FHIP2A: variants seen among roughly 807,000 people sequenced by gnomAD.
FHIP2A encodes family with sequence similarity 160 member B1.
In FHIP2A, 46 loss-of-function variants were observed where a neutral mutation model predicts 93.5. The ratio of observed to expected loss-of-function variants is 0.49; its 90% CI spans 0.39 to 0.63. The LOEUF is 0.63. Among genes scored for constraint, FHIP2A ranks in the 20% least tolerant of loss-of-function variants. FHIP2A has a pLI of 0.00. For missense variants in FHIP2A, 769 were observed against 909.7 expected, an observed-to-expected ratio of 0.85 and a Z score of 1.99; for synonymous variants, 332 against 326.5, an observed-to-expected ratio of 1.02 and a Z score of -0.18.
At chr10:114,889,785 A>G (rs2083961412) in intron 16 of FHIP2A, among the ~76,000 whole-genome samples, 1 of 152,166 alleles carries the variant, frequency 6.6e-6, no homozygotes, top group Non-Finnish European at 1.5e-5. Context: ...GGGCCCTCCA[A>G]GGGTTGCTCC....
At position 114,871,245 on chromosome 10, in the gene FHIP2A, TG is replaced by T. The variant is rs573023232; in HGVS notation, c.2192+9914del. Among the ~76,000 whole-genome samples, 265 of 152,098 alleles carry T rather than the reference TG, an allele frequency of 1.7e-3. 2 individuals carry two copies. Among genetic ancestry groups the T allele is most frequent in the African/African-American group, 6.0e-3 (250 of 41,510 alleles). The stretch of plus-strand genomic sequence containing the variant: ...ATAGCACACTGCAACCTTGAACTCC[TG>T]GGCTCAAGCAATCTTCCTGCCTCAG... On this transcript the variant is annotated intron_variant, in intron 16 of 16. Coordinates refer to the FHIP2A transcript ENST00000369250.
intron 16 of FHIP2A, among the ~76,000 whole-genome samples, chr10:114,872,503 CTGTT>C (rs530204110): frequency 2.0e-3 from 299 of 152,324 alleles, no homozygotes; most frequent in African/African-American, 6.6e-3. Flanking sequence ...TCTCACTGCT[CTGTT>C]TTAGACTTGA....
intron 16 of FHIP2A, among the ~76,000 whole-genome samples, chr10:114,871,568 T>C (rs1217169567): frequency 1.3e-5 from 2 of 152,130 alleles, no homozygotes; most frequent in South Asian, 2.1e-4. Flanking sequence ...CCTTCCAACA[T>C]TGATGTAACC....
intron 13 of FHIP2A, among the ~76,000 whole-genome samples, chr10:114,849,882 T>C (rs955969784): frequency 6.6e-6 from 1 of 152,242 alleles, no homozygotes; most frequent in Non-Finnish European, 1.5e-5. Flanking sequence ...ATGTGACCTT[T>C]TCTGTCTGGC....
At chr10:114,824,987 G>C (rs1447294168) in intron 1 of FHIP2A, among the ~76,000 whole-genome samples, 4 of 152,074 alleles carry the variant, frequency 2.6e-5, no homozygotes, top group African/African-American at 9.7e-5. Flanking sequence ...TTATTTAATT[G>C]ATAAGCCTTC....
At chr10:114,822,216 C>A in intron 1 of FHIP2A, 93 bp downstream of exon 1, 1 of 815,186 alleles carries the variant, frequency 1.2e-6, no homozygotes, top group Non-Finnish European at 1.6e-6. Flanking sequence ...CGGCCTTGGC[C>A]CGGCCCTCGG....
intron 16 of FHIP2A, among the ~76,000 whole-genome samples, chr10:114,890,195 T>C (rs1256187295): frequency 6.6e-6 from 1 of 151,972 alleles, no homozygotes; most frequent in African/African-American, 2.4e-5. Flanking sequence ...GCCTGGCTAA[T>C]TTTTGTATTT....
intron 13 of FHIP2A, among the ~76,000 whole-genome samples, chr10:114,853,108 G>T (rs1263954496): frequency 6.6e-6 from 1 of 152,010 alleles, no homozygotes; most frequent in African/African-American, 2.4e-5. Flanking sequence ...CTTGCCTTGG[G>T]GTTATAAGGT....
chr10:114,822,363 G>A (rs973679948), intron 1 of FHIP2A, among the ~76,000 whole-genome samples: 1 of 150,844 alleles, frequency 6.6e-6, no homozygotes, highest in Non-Finnish European at 1.5e-5. Context: ...GGCAGTCCCT[G>A]CCCTCCTCCA....
In FHIP2A at chr10:114,860,791, C is replaced by T. The variant is rs1172528780; in HGVS notation, c.1990C>T (p.Leu664Phe). ...NLQVTSVLSR[L>F]SLFPHPHIHE... Reference sequence around the variant, plus strand: ...ACAAGTAACCTCAGTGTTATCTAGACTTTCTCTCTTCCCTCATCCACACAT... The same window carrying T: ...ACAAGTAACCTCAGTGTTATCTAGATTTTCTCTCTTCCCTCATCCACACAT... Residue 664 changes from leucine (L) to phenylalanine (F), a missense_variant, in exon 15 of 17, where the codon CTT becomes TTT. Physicochemically the swap from Leu to Phe is conservative, Grantham distance 22. Transcript: ENST00000369248. 1 of 1,608,696 alleles carries T rather than the reference C, an allele frequency of 6.2e-7. No homozygotes were observed.
At position 114,861,583 on chromosome 10, in the gene FHIP2A, C is replaced by G. The variant is rs575437140; in HGVS notation, c.*43C>G. On this transcript the variant is annotated 3_prime_UTR_variant, in exon 17 of 17. Transcript: ENST00000369248. ...ACTGGGGGAACAGAACTACTGTGTA[C>G]ATTTCACCAAAAAAGACTCAGTTCC... 5.0e-6 allele frequency: 8 copies of G among 1,598,110 alleles called. No individual in the cohort carries two copies. In the African/African-American group the frequency reaches 6.7e-5, roughly 13 times the overall value.
chr10:114,850,365 G>A (rs1226822418), intron 13 of FHIP2A, among the ~76,000 whole-genome samples: 1 of 152,086 alleles, frequency 6.6e-6, no homozygotes, highest in Non-Finnish European at 1.5e-5. Flanking sequence ...ATGATGTTGA[G>A]TACCTTTTCA....
intron 13 of FHIP2A, among the ~76,000 whole-genome samples, chr10:114,851,344 A>G (rs527594670): frequency 1.3e-5 from 2 of 152,254 alleles, no homozygotes; most frequent in African/African-American, 4.8e-5. Flanking sequence ...AGAGTTTCAT[A>G]GTTTTAGTTT....
chr10:114,857,036 C>T (rs568751321), intron 14 of FHIP2A, among the ~76,000 whole-genome samples: 1 of 152,036 alleles, frequency 6.6e-6, no homozygotes, highest in East Asian at 1.9e-4. Context: ...GGCTGTAGGG[C>T]GCTATGATTG....
chr10:114,836,372 A>T lies in FHIP2A; in HGVS notation c.522+126A>T, dbSNP rs569406786. The stretch of plus-strand genomic sequence containing the variant: ...GTTATTAGCTTGTTTTACTTCCCAG[A>T]ATTATTTTTCCTTTAATATCACTAT... On this transcript the variant is annotated intron_variant, in intron 5 of 16. Transcript: ENST00000369248. 1.7e-5 allele frequency: 13 copies of T among 756,390 alleles called. No individual in the cohort carries two copies. In the African/African-American group the frequency reaches 2.1e-4, roughly 12 times the overall value. 46.9% of individuals were successfully genotyped at this position (756,390 alleles called of 1,614,324 possible). A position where few individuals can be genotyped will look rare whatever the true frequency, so the allele number is the denominator to read the frequency against.
At position 114,826,262 on chromosome 10, in the gene FHIP2A, A is replaced by C. The variant is rs541138692; in HGVS notation, c.45+4139A>C. The stretch of plus-strand genomic sequence containing the variant: ...CATATGGGAAACAAAACAAATATAC[A>C]AGTTAGATTACAGAATAAGGAATGC... On this transcript the variant is annotated intron_variant, in intron 1 of 16. Transcript: ENST00000369248. Among the ~76,000 whole-genome samples the C allele has an allele frequency of 3.3e-5, 5 of 152,318 alleles. No homozygotes were observed. In the East Asian group the frequency reaches 9.6e-4, roughly 29 times the overall value.
In FHIP2A at chr10:114,861,467, T is replaced by C. The variant is rs760148784; in HGVS notation, c.2225T>C (p.Ile742Thr). The change falls in exon 17 of 17, where the codon ATT (isoleucine) becomes ACT (threonine). Residue 742 changes from isoleucine (I) to threonine (T), a missense_variant. Transcript: ENST00000369248. ...CACATCACACTGCTAGAGGGTGTGATTGTGTTAGAAGAGTTCTGTAAGGAG... is the reference window on the plus strand; with the variant it reads ...CACATCACACTGCTAGAGGGTGTGACTGTGTTAGAAGAGTTCTGTAAGGAG... ...IDHITLLEGV[I>T]VLEEFCKELA... 15 of 1,614,130 alleles carry C rather than the reference T, an allele frequency of 9.3e-6. No individual in the cohort carries two copies. Among genetic ancestry groups the C allele is most frequent in the Non-Finnish European group, 1.2e-5 (14 of 1,180,000 alleles).
intron 14 of FHIP2A, among the ~76,000 whole-genome samples, chr10:114,858,109 CAG>C (rs2083777607): frequency 6.6e-6 from 1 of 152,150 alleles, no homozygotes; most frequent in Non-Finnish European, 1.5e-5. Flanking sequence ...TTTGTCATGT[CAG>C]AGAAATCTGG....
intron 1 of FHIP2A, among the ~76,000 whole-genome samples, chr10:114,824,180 A>T (rs2143009209): frequency 6.6e-6 from 1 of 152,358 alleles, no homozygotes; most frequent in Middle Eastern, 3.4e-3. Flanking sequence ...TCCTGGAACT[A>T]GTCCCCTACA....
Sources: allele counts gnomAD v4.1 joint callset (sites outside exome capture counted in the v4.1 genomes callset), GRCh38; gene constraint gnomAD v4.1.1; transcripts MANE v1.5; gene names NCBI Gene and HGNC (gene_info 2026-07-23, HGNC 2026-07-21).